The following MOB1B variants were observed in gnomAD, a reference collection of about 807,000 sequenced individuals.
MOB1B encodes MOB kinase activator 1B, also known as MOB1 Mps One Binder homolog B.
In MOB1B, 19 loss-of-function variants were observed where a neutral mutation model predicts 24.4. The observed-to-expected ratio is 0.78, with a 90% CI of 0.54 to 1.14. The LOEUF (loss-of-function observed/expected upper bound fraction) is 1.14. MOB1B is among the 50% of genes most tolerant of loss of function. MOB1B has a pLI of 0.00. For synonymous variants in MOB1B, 76 were observed against 82.1 expected (o/e 0.93, Z 0.40); for missense variants, 243 against 259.6 (o/e 0.94, Z 0.44).
At chr4:70,959,186 GTTACTTTAT>G (rs1738196611) in intron 2 of MOB1B, 146 bp downstream of exon 2, 1 of 646,272 alleles carries the variant, frequency 1.5e-6, no homozygotes, top group African/African-American at 1.9e-5. Context: ...TAACCTTCAT[GTTACTTTAT>G]TTACTTTATT....
At chr4:70,928,456 C>T (rs867709545) in intron 1 of MOB1B, among the ~76,000 whole-genome samples, 27 of 151,776 alleles carry the variant, frequency 1.8e-4, no homozygotes, top group Middle Eastern at 3.2e-3. Flanking sequence ...CCACCATGCC[C>T]GGCTAATTTT....
chr4:70,945,959 C>T (rs891304584), intron 1 of MOB1B, among the ~76,000 whole-genome samples: 4 of 151,006 alleles, frequency 2.6e-5, no homozygotes, highest in Non-Finnish European at 4.4e-5. Context: ...TTTTTCCTAT[C>T]GGGCTGGCTT....
chr4:70,965,206 A>C lies in MOB1B; in HGVS notation c.182-4725A>C, dbSNP rs1300942929. Among the ~76,000 whole-genome samples the C allele has an allele frequency of 8.7e-5, 13 of 148,954 alleles. No individual in the cohort carries two copies. In the Admixed American group the frequency reaches 8.8e-4, roughly 10 times the overall value. Reference sequence around the variant, plus strand: ...TACCTGCTTGGGAGGCTGAAGCAGGAGAATCACTTGAACCTGGGAGGCAGA... The same window carrying C: ...TACCTGCTTGGGAGGCTGAAGCAGGCGAATCACTTGAACCTGGGAGGCAGA... On this transcript the variant is annotated intron_variant, in intron 2 of 5. Transcript: ENST00000309395.
intron 1 of MOB1B, among the ~76,000 whole-genome samples, chr4:70,922,466 G>T (rs1736476416): frequency 6.6e-6 from 1 of 152,102 alleles, no homozygotes; most frequent in Non-Finnish European, 1.5e-5. Flanking sequence ...GGGGCTTGGG[G>T]GCTTTCAGAT....
intron 1 of MOB1B, among the ~76,000 whole-genome samples, chr4:70,954,143 T>G (rs1330533091): frequency 1.3e-5 from 2 of 152,234 alleles, no homozygotes; most frequent in Non-Finnish European, 2.9e-5. Flanking sequence ...ACTAATTATC[T>G]TTTCCCCCAT....
chr4:70,974,000 G>A (rs1452826833), intron 3 of MOB1B, among the ~76,000 whole-genome samples: 5 of 152,176 alleles, frequency 3.3e-5, no homozygotes, highest in African/African-American at 1.2e-4. Context: ...GGGGACAAGG[G>A]TAGAATTGAA....
chr4:70,958,629 T>C (rs1199935017), intron 1 of MOB1B: 1 of 558,496 alleles, frequency 1.8e-6, no homozygotes, highest in Admixed American at 2.2e-5. Context: ...TGGAAGTACT[T>C]TTTTGTTTTT....
rs1578334126 is a variant in MOB1B, at chr4:70,902,428, C to T, written c.-109C>T. The T allele has an allele frequency of 4.8e-6, 6 of 1,246,824 alleles. No homozygotes were observed. In the South Asian group the frequency reaches 6.4e-5, roughly 13 times the overall value. The allele number at this position is 1,246,824 out of a possible 1,614,324, so 77.2% of individuals were successfully genotyped here. On this transcript the variant is annotated 5_prime_UTR_variant, in exon 1 of 6. Coordinates refer to ENST00000309395, the MANE Select transcript of MOB1B (RefSeq NM_173468.4). ...CCGAGCAGCCGGCTCTCGGCACCTCCTCCTCCGCCTCCCTGTCTCCTGTTC... is the reference window on the plus strand; with the variant it reads ...CCGAGCAGCCGGCTCTCGGCACCTCTTCCTCCGCCTCCCTGTCTCCTGTTC...
intron 1 of MOB1B, among the ~76,000 whole-genome samples, chr4:70,927,799 A>G (rs1020961019): frequency 1.3e-5 from 2 of 152,046 alleles, no homozygotes; most frequent in African/African-American, 4.8e-5. Flanking sequence ...TCACTTGGGC[A>G]TTTCAGGTAG....
intron 4 of MOB1B, chr4:70,975,718 G>A (rs1738955952): frequency 1.0e-6 from 1 of 978,460 alleles, no homozygotes; most frequent in African/African-American, 1.8e-5. Flanking sequence ...AAAGGCTTAA[G>A]AAGCCCTTTC....
At chr4:70,942,737 G>A (rs959644346) in intron 1 of MOB1B, 4 of 277,944 alleles carry the variant, frequency 1.4e-5, no homozygotes, top group South Asian at 2.8e-4. Context: ...ACAGACTAGG[G>A]CAGGATTTCT....
chr4:70,973,892 G>C (rs561509696), intron 3 of MOB1B, among the ~76,000 whole-genome samples: 1 of 152,220 alleles, frequency 6.6e-6, no homozygotes, highest in East Asian at 1.9e-4. Context: ...CCTATCCGAA[G>C]ATAATTTTTA....
At chr4:70,972,000 C>T (rs1738774715) in intron 3 of MOB1B, among the ~76,000 whole-genome samples, 1 of 150,958 alleles carries the variant, frequency 6.6e-6, no homozygotes, top group South Asian at 2.1e-4. Context: ...CCCTCTCTTC[C>T]TTTCTCCCTT....
intron 1 of MOB1B, among the ~76,000 whole-genome samples, chr4:70,926,159 T>A (rs1240624111): frequency 6.6e-6 from 1 of 152,106 alleles, no homozygotes; most frequent in Non-Finnish European, 1.5e-5. Context: ...ATAATTTTTG[T>A]ATCTTTTGTA....
At chr4:70,920,903 A>G (rs930117819) in intron 1 of MOB1B, among the ~76,000 whole-genome samples, 1 of 152,270 alleles carries the variant, frequency 6.6e-6, no homozygotes, top group Non-Finnish European at 1.5e-5. Context: ...GGTGTGCTCC[A>G]TTAATCTCTA....
At chr4:70,960,639 T>C (rs1738267508) in intron 2 of MOB1B, among the ~76,000 whole-genome samples, 1 of 152,154 alleles carries the variant, frequency 6.6e-6, no homozygotes, top group Admixed American at 6.5e-5. Flanking sequence ...AGCCATGTTA[T>C]TATTATGTGA....
At chr4:70,958,804 C>G in intron 1 of MOB1B, 70 bp from the exon 2 acceptor site, 1 of 1,353,726 alleles carries the variant, frequency 7.4e-7, no homozygotes, top group Non-Finnish European at 1.0e-6. Flanking sequence ...AGGTCTAATG[C>G]TTGGTGAATG....
intron 1 of MOB1B, among the ~76,000 whole-genome samples, chr4:70,941,070 G>A (rs1371846780): frequency 6.6e-6 from 1 of 152,074 alleles, no homozygotes. Context: ...TACTATGACT[G>A]CAGAAGTAGA....
At chr4:70,949,517 T>C (rs978610690) in intron 1 of MOB1B, among the ~76,000 whole-genome samples, 2 of 152,130 alleles carry the variant, frequency 1.3e-5, no homozygotes, top group African/African-American at 4.8e-5. Flanking sequence ...TTGGGGGAAA[T>C]TGGTGTAGGG....
Sources: allele counts gnomAD v4.1 joint callset (sites outside exome capture counted in the v4.1 genomes callset), GRCh38; gene constraint gnomAD v4.1.1; transcripts MANE v1.5; gene names NCBI Gene and HGNC (gene_info 2026-07-23, HGNC 2026-07-21).